EPHA3: variants seen among roughly 807,000 people sequenced by gnomAD.
EPHA3 encodes the protein EPH receptor A3.
In EPHA3, 42 loss-of-function variants were observed where a neutral mutation model predicts 107.1. The ratio of observed to expected loss-of-function variants is 0.39; its 90% CI spans 0.31 to 0.51. EPHA3 has a LOEUF of 0.51. Among genes scored for constraint, EPHA3 ranks in the 20% least tolerant of loss-of-function variants. The pLI, the probability that EPHA3 is intolerant of heterozygous loss-of-function variation, is 0.78. For missense variants in EPHA3, 1,183 were observed against 1,211.2 expected, an observed-to-expected ratio of 0.98 and a Z score of 0.35; for synonymous variants, 461 against 424.8, an observed-to-expected ratio of 1.09 and a Z score of -1.05.
chr3:89,372,042 A>T (rs1229970212), intron 5 of EPHA3, among the ~76,000 whole-genome samples: 8 of 151,206 alleles, frequency 5.3e-5, no homozygotes, highest in African/African-American at 1.9e-4. Context: ...AGAGAGAGGG[A>T]GGAAAGAAAA....
chr3:89,371,843 G>T (rs182297007), intron 5 of EPHA3, among the ~76,000 whole-genome samples: 29 of 151,404 alleles, frequency 1.9e-4, no homozygotes, highest in Non-Finnish European at 4.3e-4. Flanking sequence ...AGTCAACACT[G>T]CTTGCCTATA....
At chr3:89,187,130 G>A (rs1310340251) in intron 2 of EPHA3, among the ~76,000 whole-genome samples, 6 of 151,112 alleles carry the variant, frequency 4.0e-5, no homozygotes, top group African/African-American at 7.3e-5. Context: ...TTATCCTCAC[G>A]AATATTTTTA....
intron 3 of EPHA3, among the ~76,000 whole-genome samples, chr3:89,247,928 A>G (rs1559617925): frequency 6.6e-6 from 1 of 152,172 alleles, no homozygotes; most frequent in East Asian, 1.9e-4. Context: ...CAGATGCTTA[A>G]AAGAATTTTC....
intron 3 of EPHA3, among the ~76,000 whole-genome samples, chr3:89,240,483 A>G (rs1286490402): frequency 6.6e-6 from 1 of 152,116 alleles, no homozygotes; most frequent in African/African-American, 2.4e-5. Flanking sequence ...ACATTTCATG[A>G]CACATATAAT....
intron 2 of EPHA3, among the ~76,000 whole-genome samples, chr3:89,160,641 T>G (rs1704913780): frequency 6.6e-6 from 1 of 151,612 alleles, no homozygotes; most frequent in Non-Finnish European, 1.5e-5. Flanking sequence ...TGGATCATGT[T>G]GTACAGCAAA....
chr3:89,154,117 G>T lies in EPHA3; in HGVS notation c.153+26844G>T, dbSNP rs551147593. On this transcript the variant is annotated intron_variant, in intron 2 of 16. Coordinates refer to ENST00000336596, the MANE Select transcript of EPHA3 (RefSeq NM_005233.6). ...TGCCTTGATCACTCTATTTTAAATTGCATTTACTGTTTTTATTTTCTCCAT... is the reference window on the plus strand; with the variant it reads ...TGCCTTGATCACTCTATTTTAAATTTCATTTACTGTTTTTATTTTCTCCAT... Among the ~76,000 whole-genome samples, 4 of 151,746 alleles carry T rather than the reference G, an allele frequency of 2.6e-5. 1 individual carries two copies. The East Asian group carries it at 7.8e-4, about 29-fold the overall frequency.
chr3:89,334,997 C>A (rs1215681993), intron 3 of EPHA3, among the ~76,000 whole-genome samples: 1 of 152,176 alleles, frequency 6.6e-6, no homozygotes, highest in Non-Finnish European at 1.5e-5. Flanking sequence ...TATCTTGCAA[C>A]TCCAATTCTC....
intron 3 of EPHA3, among the ~76,000 whole-genome samples, chr3:89,294,271 T>C (rs1706291036): frequency 6.6e-6 from 1 of 152,196 alleles, no homozygotes; most frequent in Non-Finnish European, 1.5e-5. Flanking sequence ...ACTATCTAAT[T>C]GTTTCAATAC....
intron 3 of EPHA3, among the ~76,000 whole-genome samples, chr3:89,327,425 C>A (rs2107391283): frequency 6.6e-6 from 1 of 152,170 alleles, no homozygotes; most frequent in South Asian, 2.1e-4. Flanking sequence ...TAAAAATTTT[C>A]TTTTCAGATA....
chr3:89,212,786 C>T (rs1704133883), intron 3 of EPHA3, among the ~76,000 whole-genome samples: 1 of 151,862 alleles, frequency 6.6e-6, no homozygotes, highest in Non-Finnish European at 1.5e-5. Context: ...TACCAAATAC[C>T]TTATTAATGT....
intron 4 of EPHA3, 110 bp downstream of exon 4, chr3:89,341,181 G>C (rs918457663): frequency 8.5e-7 from 1 of 1,182,788 alleles, no homozygotes; most frequent in African/African-American, 1.6e-5. Context: ...TCTGTTGCCC[G>C]TGTGCAAATT....
In EPHA3 at chr3:89,429,164, A is replaced by C. The variant is rs140661567; in HGVS notation, c.2133A>C (p.Leu711=). 8.1e-6 allele frequency: 13 copies of C among 1,609,654 alleles called. No homozygotes were observed. Among genetic ancestry groups the C allele is most frequent in the African/African-American group, 2.7e-5 (2 of 74,790 alleles). The change falls in exon 12 of 17, where the codon CTA becomes CTC. Residue 711 remains leucine (L), a synonymous_variant. Coordinates refer to ENST00000336596, the MANE Select transcript of EPHA3 (RefSeq NM_005233.6). ...YMENGSLDSF[L]RKHDAQFTVI... ...AGAATGGTTCCTTGGATAGTTTCCT[A>C]CGTGTAAGTAAGATGCACACACATA... is the stretch of plus-strand genomic sequence containing the variant.
chr3:89,277,324 G>A (rs937063398), intron 3 of EPHA3, among the ~76,000 whole-genome samples: 43 of 152,092 alleles, frequency 2.8e-4, no homozygotes, highest in African/African-American at 9.2e-4. Context: ...GTAACAGTAT[G>A]AGAAATCCTT....
Position 89,303,527 on chromosome 3 carries a change from T to G in EPHA3, c.815-37389T>G, listed in dbSNP as rs76871414. 3.0e-3 allele frequency among the ~76,000 whole-genome samples: 460 copies of G among 151,414 alleles called. 21 individuals carry two copies. In the East Asian group the frequency reaches 0.082, roughly 27 times the overall value. ...AAGAAGAGAAAAGGAAGGGATAGAT[T>G]ATTAAATTAGAATAGGTTGTCACAT... On this transcript the variant is annotated intron_variant, in intron 3 of 16. Transcript: ENST00000336596.
intron 13 of EPHA3, among the ~76,000 whole-genome samples, chr3:89,432,797 T>G (rs1709593965): frequency 6.6e-6 from 1 of 152,126 alleles, no homozygotes; most frequent in African/African-American, 2.4e-5. Flanking sequence ...TATACTGATA[T>G]ATAAAATGAT....
chr3:89,109,159 A>G (rs1278171512), intron 1 of EPHA3, among the ~76,000 whole-genome samples: 3 of 152,220 alleles, frequency 2.0e-5, no homozygotes, highest in East Asian at 3.9e-4. Context: ...TTTTCATTAA[A>G]TGTTCTGAAT....
chr3:89,382,937 C>T (rs537753797), intron 5 of EPHA3, among the ~76,000 whole-genome samples: 2 of 152,226 alleles, frequency 1.3e-5, no homozygotes, highest in South Asian at 4.1e-4. Context: ...CCTCAGATGC[C>T]AGAGCATCAG....
At chr3:89,350,127 G>A (rs1407854980) in intron 5 of EPHA3, among the ~76,000 whole-genome samples, 2 of 150,820 alleles carry the variant, frequency 1.3e-5, no homozygotes, top group Admixed American at 6.7e-5. Context: ...GTATCTTTGT[G>A]GCATTCTCTG....
chr3:89,431,085 C>T, intron 12 of EPHA3, 65 bp from the exon 13 acceptor site: 2 of 1,496,170 alleles, frequency 1.3e-6, no homozygotes, highest in Non-Finnish European at 1.8e-6. Context: ...GAGATTTTAA[C>T]CAATAAAGAT....
Sources: gnomAD v4.1 joint callset for allele counts (sites outside exome capture counted in the v4.1 genomes callset) on GRCh38, gnomAD v4.1.1 for gene constraint, MANE v1.5 for transcripts, NCBI Gene and HGNC (gene_info 2026-07-23, HGNC 2026-07-21) for gene names.